DOCK1: variants seen among roughly 807,000 people sequenced by gnomAD.
The protein encoded by DOCK1 is dedicator of cytokinesis protein 1.
Under a neutral mutation model 262.7 loss-of-function variants are expected in DOCK1, and 138 were observed. The ratio of observed to expected loss-of-function variants is 0.53; its 90% CI spans 0.46 to 0.61. The LOEUF (loss-of-function observed/expected upper bound fraction) is 0.61, where lower values mean the gene tolerates loss of function less well. Ranked by LOEUF, DOCK1 falls within the 20% of genes least tolerant of loss-of-function variation. DOCK1 has a pLI of 0.00. For missense variants in DOCK1, 1,908 were observed against 2,370.7 expected (o/e 0.80, Z 4.05); for synonymous variants, 866 against 867.4 (o/e 1.00, Z 0.03).
At chr10:127,223,461 C>T (rs769837940) in intron 27 of DOCK1, among the ~76,000 whole-genome samples, 3 of 152,108 alleles carry the variant, frequency 2.0e-5, no homozygotes, top group East Asian at 3.9e-4. Flanking sequence ...TTGGAAAATT[C>T]GAAATCGGAA....
rs1235810747 is a variant in DOCK1 at position 126,962,159 on chromosome 10, G to A, written c.47-8543G>A. On this transcript the variant is annotated intron_variant, in intron 1 of 51. Transcript: ENST00000623213. ...ACTACAGGCATGTACCACCATGCCCGACTCTTTTTTTTTTTTTGAGATGGA... is the reference window on the plus strand; with the variant it reads ...ACTACAGGCATGTACCACCATGCCCAACTCTTTTTTTTTTTTTGAGATGGA... Among the ~76,000 whole-genome samples the A allele has an allele frequency of 6.1e-5, 8 of 131,374 alleles. No homozygotes were observed. The East Asian group carries it at 7.6e-4, about 12-fold the overall frequency. 86.2% of individuals were successfully genotyped at this position (131,374 alleles called of 152,430 possible). A position where few individuals can be genotyped will look rare whatever the true frequency, so the allele number is the denominator to read the frequency against.
At chr10:127,261,170 TC>T (rs2135021747) in intron 29 of DOCK1, among the ~76,000 whole-genome samples, 2 of 143,902 alleles carry the variant, frequency 1.4e-5, no homozygotes, top group African/African-American at 2.7e-5. Context: ...TCTGTGTGTG[TC>T]CCTGCATGTG....
At chr10:127,301,235 A>G (rs1383030475) in intron 29 of DOCK1, among the ~76,000 whole-genome samples, 1 of 152,168 alleles carries the variant, frequency 6.6e-6, no homozygotes, top group African/African-American at 2.4e-5. Flanking sequence ...GCTAGGCGGA[A>G]GTGCAGGTTA....
chr10:127,077,627 A>G (rs768683390), intron 23 of DOCK1, among the ~76,000 whole-genome samples: 1 of 152,142 alleles, frequency 6.6e-6, no homozygotes. Flanking sequence ...ATGGACTCGT[A>G]CTGGGCAGAT....
chr10:127,374,670 T>C lies in DOCK1; in HGVS notation c.3675+456T>C, dbSNP rs573846425. Among the ~76,000 whole-genome samples the C allele has an allele frequency of 1.2e-4, 19 of 152,260 alleles. No homozygotes were observed. The South Asian group carries it at 3.9e-3, about 32-fold the overall frequency. On this transcript the variant is annotated intron_variant, in intron 35 of 51. Transcript: ENST00000623213. ...TAATTAAAAAGAATCTCAGATGGGATTATCCTGGATTACCTGCAAGGGGAG... is the reference window on the plus strand; with the variant it reads ...TAATTAAAAAGAATCTCAGATGGGACTATCCTGGATTACCTGCAAGGGGAG...
chr10:127,126,608 A>G (rs548429266), intron 26 of DOCK1, among the ~76,000 whole-genome samples: 16 of 152,166 alleles, frequency 1.1e-4, no homozygotes, highest in Non-Finnish European at 1.6e-4. Flanking sequence ...GTGCCAGCAC[A>G]TATGGAAAAG....
intron 29 of DOCK1, among the ~76,000 whole-genome samples, chr10:127,322,198 T>C (rs2062562931): frequency 6.6e-6 from 1 of 151,320 alleles, no homozygotes; most frequent in Non-Finnish European, 1.5e-5. Context: ...TTTTTTTTTT[T>C]TTTTTCCTGG....
intron 24 of DOCK1, among the ~76,000 whole-genome samples, chr10:127,106,642 A>T (rs1006618910): frequency 6.6e-6 from 1 of 152,116 alleles, no homozygotes; most frequent in African/African-American, 2.4e-5. Flanking sequence ...AAAAATCCTG[A>T]CATAGGAGCT....
chr10:127,241,885 G>C (rs1020259285), intron 27 of DOCK1, among the ~76,000 whole-genome samples: 7 of 152,086 alleles, frequency 4.6e-5, no homozygotes, highest in Non-Finnish European at 7.4e-5. Flanking sequence ...CCCCTCACTG[G>C]ACATGCTGGG....
At chr10:127,321,179 T>G in intron 29 of DOCK1, among the ~76,000 whole-genome samples, 1 of 150,868 alleles carries the variant, frequency 6.6e-6, no homozygotes, top group Admixed American at 6.6e-5. Flanking sequence ...GCATGTCTCA[T>G]TCCTTCTCTC....
intron 1 of DOCK1, among the ~76,000 whole-genome samples, chr10:126,964,131 A>G (rs1165537930): frequency 6.6e-6 from 1 of 152,302 alleles, no homozygotes; most frequent in African/African-American, 2.4e-5. Flanking sequence ...CTTGTTCTCC[A>G]TCTTCACCAA....
At chr10:127,064,048 T>A (rs565207888) in intron 23 of DOCK1, among the ~76,000 whole-genome samples, 39 of 152,376 alleles carry the variant, frequency 2.6e-4, no homozygotes, top group African/African-American at 8.9e-4. Flanking sequence ...TTGTGTTGTT[T>A]TAACTCTTTC....
intron 51 of DOCK1, 145 bp downstream of exon 51, chr10:127,447,690 G>A (rs2070675986): frequency 3.8e-6 from 5 of 1,327,426 alleles, no homozygotes; most frequent in Non-Finnish European, 5.0e-6. Flanking sequence ...GTTTGATTTT[G>A]CAAAAAGATA....
chr10:126,985,929 C>T (rs1251061216), intron 4 of DOCK1, among the ~76,000 whole-genome samples: 1 of 152,148 alleles, frequency 6.6e-6, no homozygotes, highest in Non-Finnish European at 1.5e-5. Flanking sequence ...ACTGCAACTT[C>T]CGTCTCCCGG....
At chr10:127,096,504 A>G (rs2047918840) in intron 23 of DOCK1, among the ~76,000 whole-genome samples, 1 of 152,098 alleles carries the variant, frequency 6.6e-6, no homozygotes, top group South Asian at 2.1e-4. Context: ...AAATATGTAA[A>G]TTAATAATTG....
intron 27 of DOCK1, among the ~76,000 whole-genome samples, chr10:127,243,894 C>T (rs1480131683): frequency 1.3e-5 from 2 of 152,182 alleles, no homozygotes; most frequent in African/African-American, 4.8e-5. Flanking sequence ...AGTCTCCCTC[C>T]ACTCATGACT....
rs1208440375 is a variant in DOCK1, at chr10:127,023,230, T to C, written c.1358T>C (p.Leu453Ser). The change falls in exon 14 of 52, where the codon TTA becomes TCA. Residue 453 changes from leucine to serine, a missense_variant. Leu to Ser is a moderately radical substitution (Grantham distance 145, BLOSUM62 -2). Transcript: ENST00000623213. ...GDVRNDIYVT[L>S]VQGDFDKGSK... is the part of the protein sequence containing the mutation. ...GTTCGAAATGATATCTATGTAACAT[T>C]AGTTCAAGGAGATTTTGATAAAGGA... is the stretch of plus-strand genomic sequence containing the variant. The C allele has an allele frequency of 3.1e-6, 5 of 1,613,858 alleles. No homozygotes were observed. The African/African-American group carries it at 6.7e-5, about 22-fold the overall frequency.
chr10:126,916,584 A>G (rs1313494353), intron 1 of DOCK1, among the ~76,000 whole-genome samples: 1 of 152,124 alleles, frequency 6.6e-6, no homozygotes, highest in East Asian at 1.9e-4. Flanking sequence ...AAGCCACAGA[A>G]AAGTTAAAGA....
At chr10:127,428,986 G>GTGCCGTGTGGATTGGGGA (rs2069070299) in intron 47 of DOCK1, among the ~76,000 whole-genome samples, 1 of 132,772 alleles carries the variant, frequency 7.5e-6, no homozygotes, top group South Asian at 2.3e-4. Flanking sequence ...GTGGATTGGG[G>GTGCCGTGTGGATTGGGGA]TGCCGTGTGG....
Sources: gnomAD v4.1 joint callset for allele counts (sites outside exome capture counted in the v4.1 genomes callset) on GRCh38, gnomAD v4.1.1 for gene constraint, MANE v1.5 for transcripts, NCBI Gene and HGNC (gene_info 2026-07-23, HGNC 2026-07-21) for gene names.